RASGEF1C: variants seen among roughly 807,000 people sequenced by gnomAD.
RASGEF1C encodes RasGEF domain family member 1C, also known as ras-GEF domain-containing family member 1C.
Under a neutral mutation model 58.1 loss-of-function variants are expected in RASGEF1C, and 27 were observed. That is an observed-to-expected ratio of 0.46 (90% confidence interval 0.34 to 0.64). The LOEUF (loss-of-function observed/expected upper bound fraction) is 0.64, where lower values mean the gene tolerates loss of function less well. Among genes scored for constraint, RASGEF1C ranks in the 30% least tolerant of loss-of-function variants. The pLI is 0.01. For missense variants in RASGEF1C, 502 were observed against 605.1 expected (o/e 0.83, Z 1.79); for synonymous variants, 243 against 246.3 (o/e 0.99, Z 0.13).
chr5:180,190,436 G>C (rs1756137741), intron 1 of RASGEF1C, among the ~76,000 whole-genome samples: 1 of 133,708 alleles, frequency 7.5e-6, no homozygotes, highest in Non-Finnish European at 1.7e-5. Context: ...CTTGCAGTGA[G>C]CTGAGATCGC....
intron 1 of RASGEF1C, among the ~76,000 whole-genome samples, chr5:180,144,028 C>T (rs552184134): frequency 6.6e-6 from 1 of 152,238 alleles, no homozygotes; most frequent in Non-Finnish European, 1.5e-5. Context: ...GGGAGCAGTC[C>T]CCCTCTTCAG....
Position 180,102,211 on chromosome 5 carries a change from T to C in RASGEF1C, c.1304-68A>G, listed in dbSNP as rs1212726497. 3 of 915,636 alleles carry C rather than the reference T, an allele frequency of 3.3e-6. No individual in the cohort carries two copies. In the African/African-American group the frequency reaches 4.9e-5, roughly 15 times the overall value. The allele number at this position is 915,636 out of a possible 1,614,324, so 56.7% of individuals were successfully genotyped here. On this transcript the variant is annotated intron_variant, in intron 12 of 13. Coordinates refer to ENST00000361132, the MANE Select transcript of RASGEF1C (RefSeq NM_175062.4). ...ATAATAACCTGTTCTACACCTGCTA[T>C]ATCTGCGTGGGTCTCTTTCTGGGTT... is the stretch of plus-strand genomic sequence containing the variant.
chr5:180,158,133 A>AT lies in RASGEF1C; in HGVS notation c.-6-20076dup, dbSNP rs1766880104. Among the ~76,000 whole-genome samples, 1 of 152,058 alleles carries AT rather than the reference A, an allele frequency of 6.6e-6. No individual in the cohort carries two copies. Among genetic ancestry groups the AT allele is most frequent in the Admixed American group, 6.5e-5 (1 of 15,272 alleles). ...AAAACTGCTCTAAAAAATAAAGCCC[A>AT]TTTTTTTAAAAGATGGCTTGAAGGG... On this transcript the variant is annotated intron_variant, in intron 1 of 13. Coordinates refer to ENST00000361132, the MANE Select transcript of RASGEF1C (RefSeq NM_175062.4). This position sits in a 1 kb window ranked among gnomAD's most constrained non-coding sequence, Gnocchi z 4.0.
chr5:180,113,721 G>A (rs1288102399), intron 11 of RASGEF1C, among the ~76,000 whole-genome samples: 24 of 146,948 alleles, frequency 1.6e-4, no homozygotes, highest in Non-Finnish European at 3.3e-4. Context: ...TGGATGGAGG[G>A]ATCCGGGCTG....
In RASGEF1C at chr5:180,121,132, C is replaced by T. The variant is rs768348903; in HGVS notation, c.732G>A (p.Lys244=). ...TCACATAAGCCTCCAGGTTGCTGGTCTTGTCACTGAAGCAGGGCTAGAACA... is the reference window on the plus strand; with the variant it reads ...TCACATAAGCCTCCAGGTTGCTGGTTTTGTCACTGAAGCAGGGCTAGAACA... The part of the protein sequence containing the change: ...LASTKPCFSD[K]TSNLEAYVKW... The change falls in exon 7 of 14, where the codon AAG becomes AAA. Residue 244 remains lysine (K), a synonymous_variant. Coordinates refer to ENST00000361132, the MANE Select transcript of RASGEF1C (RefSeq NM_175062.4). 6.2e-7 allele frequency: 1 copy of T among 1,613,928 alleles called. No homozygotes were observed. The highest frequency in any genetic ancestry group is 1.1e-5 in the South Asian group (1 of 91,064).
intron 1 of RASGEF1C, among the ~76,000 whole-genome samples, chr5:180,175,904 C>T (rs145641363): frequency 0.022 from 3,345 of 152,286 alleles, 80 homozygotes; most frequent in African/African-American, 0.045. Context: ...AGGAGAATGG[C>T]GTGAACCCGG....
chr5:180,104,905 AG>A, intron 12 of RASGEF1C, among the ~76,000 whole-genome samples: 1 of 152,186 alleles, frequency 6.6e-6, no homozygotes, highest in Middle Eastern at 3.4e-3. Flanking sequence ...CAATGTCTGT[AG>A]TCGTTAGTGA....
chr5:180,185,566 C>T (rs1756020673), intron 1 of RASGEF1C, among the ~76,000 whole-genome samples: 1 of 150,730 alleles, frequency 6.6e-6, no homozygotes, highest in Middle Eastern at 3.2e-3. Flanking sequence ...GCATGGGTGA[C>T]AAGAGTGAAA....
At chr5:180,162,309 C>A (rs757550886) in intron 1 of RASGEF1C, among the ~76,000 whole-genome samples, 20 of 152,242 alleles carry the variant, frequency 1.3e-4, no homozygotes, top group Non-Finnish European at 2.6e-4. Flanking sequence ...GTTCTCAAAG[C>A]AGCAGGGTAA....
rs141764536 is a variant in RASGEF1C at position 180,207,525 on chromosome 5, G to A, written c.-7+1503C>T. Among the ~76,000 whole-genome samples, 9 of 152,194 alleles carry A rather than the reference G, an allele frequency of 5.9e-5. No homozygotes were observed. The South Asian group carries it at 6.2e-4, about 11-fold the overall frequency. On this transcript the variant is annotated intron_variant, in intron 1 of 13. Transcript: ENST00000361132. ...GACATGGCAGGAGGGTGCAGACCCC[G>A]GCCTGAAAAGGGCCAGGTCCCGGGC...
chr5:180,174,124 T>C (rs1189819496), intron 1 of RASGEF1C, among the ~76,000 whole-genome samples: 3 of 151,736 alleles, frequency 2.0e-5, no homozygotes, highest in Middle Eastern at 3.2e-3. Flanking sequence ...TGGGCCGTGG[T>C]GTGGGCTTGA....
chr5:180,122,150 G>A (rs920387912), intron 6 of RASGEF1C, among the ~76,000 whole-genome samples: 4 of 152,190 alleles, frequency 2.6e-5, no homozygotes, highest in East Asian at 1.9e-4. Context: ...ATATTGATCC[G>A]CTGGCAAAAG....
intron 1 of RASGEF1C, among the ~76,000 whole-genome samples, chr5:180,206,351 T>C (rs546463227): frequency 1.2e-4 from 18 of 152,074 alleles, no homozygotes; most frequent in Non-Finnish European, 2.6e-4. Flanking sequence ...AAAGTCTAAG[T>C]ATGATTCCAA....
intron 11 of RASGEF1C, 125 bp from the exon 12 acceptor site, chr5:180,111,705 C>G (rs1765962634): frequency 2.9e-6 from 3 of 1,023,856 alleles, no homozygotes; most frequent in Non-Finnish European, 4.4e-6. Context: ...TGAGGAGGAG[C>G]AGGGGGCGAT....
chr5:180,115,541 C>G (rs551698059), intron 10 of RASGEF1C: 7 of 189,180 alleles, frequency 3.7e-5, no homozygotes, highest in Non-Finnish European at 1.2e-5. Context: ...GAGGCCTCAT[C>G]TGGCAAATCT....
chr5:180,153,211 A>C (rs1766792810), intron 1 of RASGEF1C, among the ~76,000 whole-genome samples: 1 of 152,164 alleles, frequency 6.6e-6, no homozygotes, highest in South Asian at 2.1e-4. Context: ...ATGGGGGCCC[A>C]CCTCTGTGTC....
chr5:180,185,287 T>C (rs1470844668), intron 1 of RASGEF1C, among the ~76,000 whole-genome samples: 1 of 3,468 alleles, frequency 2.9e-4, no homozygotes, highest in East Asian at 8.3e-3. Context: ...CGAGACTCTG[T>C]CTAAAAAAAA....
chr5:180,150,883 T>C (rs936667430), intron 1 of RASGEF1C, among the ~76,000 whole-genome samples: 25 of 151,656 alleles, frequency 1.6e-4, no homozygotes, highest in Non-Finnish European at 3.2e-4. Flanking sequence ...GGATACAAAA[T>C]CAATGTGCAA....
chr5:180,167,364 G>C (rs971755739), intron 1 of RASGEF1C, among the ~76,000 whole-genome samples: 1 of 152,102 alleles, frequency 6.6e-6, no homozygotes, highest in Non-Finnish European at 1.5e-5. Context: ...AGTCCATCCA[G>C]TGAATTTTAA....
Sources: allele counts gnomAD v4.1 joint callset (sites outside exome capture counted in the v4.1 genomes callset), GRCh38; gene constraint gnomAD v4.1.1; non-coding constraint Gnocchi (gnomAD v3.1); transcripts MANE v1.5; gene names NCBI Gene and HGNC (gene_info 2026-07-23, HGNC 2026-07-21).